The following TMEM230 variants were observed in gnomAD, a reference collection of about 807,000 sequenced individuals.
TMEM230 encodes the protein UPF0414 transmembrane protein C20orf30.
Under a neutral mutation model 15.8 loss-of-function variants are expected in TMEM230, and 10 were observed. The observed-to-expected ratio is 0.63, with a 90% CI of 0.39 to 1.07. The LOEUF is 1.07. Among genes scored for constraint, TMEM230 ranks in the 50% least tolerant of loss-of-function variants. The pLI is 0.01. For missense variants in TMEM230, 165 were observed against 193.3 expected (o/e 0.85, Z 0.87); for synonymous variants, 67 against 76.9 (o/e 0.87, Z 0.68).
At chr20:5,098,426 C>T (rs1307238119), downstream of TMEM230, 1 of 152,162 alleles carries the variant, frequency 6.6e-6, no homozygotes, top group Admixed American at 6.6e-5. Context: ...CCCGGATTAG[C>T]TTCCAAGATC....
At chr20:5,089,587 G>A (rs1259564022) in intron 3 of TMEM230, among the ~76,000 whole-genome samples, 1 of 152,036 alleles carries the variant, frequency 6.6e-6, no homozygotes, top group Non-Finnish European at 1.5e-5. Flanking sequence ...TGTAATCCCA[G>A]CTACTTGGGA....
At chr20:5,090,057 A>C (rs537074733) in intron 3 of TMEM230, among the ~76,000 whole-genome samples, 28 of 152,288 alleles carry the variant, frequency 1.8e-4, no homozygotes, top group African/African-American at 5.0e-4. Flanking sequence ...TTGAAAGAAA[A>C]AAACTGAGGA....
At position 5,110,143 on chromosome 20, in the gene TMEM230, G is replaced by A. The variant is rs575577133; in HGVS notation, c.175-698C>T. ...TTGATCTCAGCTCACTACAACCACCGCCTCCCAGGTTCAAACGATTCTCCT... is the reference window on the plus strand; with the variant it reads ...TTGATCTCAGCTCACTACAACCACCACCTCCCAGGTTCAAACGATTCTCCT... On this transcript the variant is annotated intron_variant, in intron 2 of 4. Transcript: ENST00000342308. Among the ~76,000 whole-genome samples, 131 of 152,126 alleles carry A rather than the reference G, an allele frequency of 8.6e-4. 1 individual carries two copies. The highest frequency in any genetic ancestry group is 3.0e-3 in the African/African-American group (125 of 41,518).
chr20:5,069,421 T>C, intron 3 of TMEM230: 1 of 1,439,674 alleles, frequency 6.9e-7, no homozygotes, highest in East Asian at 2.5e-5. Flanking sequence ...ATCCTAATTG[T>C]CAAGAAATCA....
At chr20:5,076,499 C>G (rs1470469515) in intron 3 of TMEM230, among the ~76,000 whole-genome samples, 1 of 151,414 alleles carries the variant, frequency 6.6e-6, no homozygotes, top group Non-Finnish European at 1.5e-5. Flanking sequence ...TGAGAGCGCG[C>G]CACTGCACTC....
intron 3 of TMEM230, among the ~76,000 whole-genome samples, chr20:5,089,068 T>C (rs6053099): frequency 0.54 from 82,760 of 152,074 alleles, 23,057 homozygotes; most frequent in East Asian, 0.84. Context: ...TCCTTGGACA[T>C]TAAAACCATG....
Position 5,100,065 on chromosome 20 carries a change from A to G in TMEM230, c.*726T>C. Reference sequence around the variant, plus strand: ...ATAAACTCTAAATAATAACCACTACATGTTTCATTAGGAAACAGCCAAAAG... The same window carrying G: ...ATAAACTCTAAATAATAACCACTACGTGTTTCATTAGGAAACAGCCAAAAG... On this transcript the variant is annotated 3_prime_UTR_variant, in exon 5 of 5. Coordinates refer to ENST00000342308, the MANE Select transcript of TMEM230 (RefSeq NM_001009923.2). 1.0e-6 allele frequency: 1 copy of G among 985,268 alleles called. No individual in the cohort carries two copies. Among genetic ancestry groups the G allele is most frequent in the Non-Finnish European group, 1.2e-6 (1 of 829,798 alleles). The allele number at this position is 985,268 out of a possible 1,614,324, so 61.0% of individuals were successfully genotyped here. A position where few individuals can be genotyped will look rare whatever the true frequency, so the allele number is the denominator to read the frequency against.
At chr20:5,066,533 G>C (rs1473688088), downstream of TMEM230, among the ~76,000 whole-genome samples, 1 of 152,006 alleles carries the variant, frequency 6.6e-6, no homozygotes, top group East Asian at 1.9e-4. Context: ...TTAGCTGGGT[G>C]TGGTGGCGTA....
rs969055680 is a variant in TMEM230 at position 5,099,998 on chromosome 20, G to T, written c.*793C>A. 3.0e-6 allele frequency: 3 copies of T among 985,134 alleles called. No homozygotes were observed. The highest frequency in any genetic ancestry group is 1.7e-5 in the African/African-American group (1 of 57,204). 61.0% of individuals were successfully genotyped at this position (985,134 alleles called of 1,614,324 possible). A position where few individuals can be genotyped will look rare whatever the true frequency, so the allele number is the denominator to read the frequency against. On this transcript the variant is annotated 3_prime_UTR_variant, in exon 5 of 5. Coordinates refer to ENST00000342308, the MANE Select transcript of TMEM230 (RefSeq NM_001009923.2). ...CATCCAGGCTGATCCTTGGAATCAT[G>T]AGCAGAATGATGACATACTACAAGG...
In TMEM230 at chr20:5,105,539, C is replaced by T. The variant is rs139913122; in HGVS notation, c.411+649G>A. Among the ~76,000 whole-genome samples the T allele has an allele frequency of 3.2e-3, 463 of 143,378 alleles. 2 individuals carry two copies. The highest frequency in any genetic ancestry group is 0.011 in the African/African-American group (436 of 38,550). The allele number at this position is 143,378 out of a possible 152,430, so 94.1% of individuals were successfully genotyped here. The stretch of plus-strand genomic sequence containing the variant: ...CTGGGAGGCGGAGGTTGCAGTTAGC[C>T]GATATTATGCCACTGCACTCCAGCC... On this transcript the variant is annotated intron_variant, in intron 4 of 4. Transcript: ENST00000342308.
chr20:5,108,566 C>G (rs2090185044), intron 3 of TMEM230, among the ~76,000 whole-genome samples: 1 of 152,158 alleles, frequency 6.6e-6, no homozygotes, highest in African/African-American at 2.4e-5. Flanking sequence ...AGGTTTGGCT[C>G]ATCGTTGTAT....
downstream of TMEM230, among the ~76,000 whole-genome samples, chr20:5,095,665 A>G (rs1184686407): frequency 1.3e-5 from 2 of 152,110 alleles, no homozygotes; most frequent in Admixed American, 1.3e-4. Flanking sequence ...ACTAGGAGGG[A>G]AACTGGGCCC....
At chr20:5,069,224 T>C in exon 4 of TMEM230, 11 of 1,535,880 alleles carry the variant, frequency 7.2e-6, no homozygotes, top group Non-Finnish European at 9.6e-6. Flanking sequence ...CTCTTCCTTC[T>C]GGAAGCCTTG....
intron 4 of TMEM230, among the ~76,000 whole-genome samples, chr20:5,104,951 C>T (rs2090011502): frequency 6.6e-6 from 1 of 152,166 alleles, no homozygotes; most frequent in Admixed American, 6.5e-5. Context: ...TATTTGATAG[C>T]ACAAAGTGAC....
Position 5,080,330 on chromosome 20 carries a change from T to G in TMEM230, c.223-10981A>C, listed in dbSNP as rs79582089. Among the ~76,000 whole-genome samples the G allele has an allele frequency of 9.5e-3, 1,450 of 152,336 alleles. 11 individuals carry two copies. The highest frequency in any genetic ancestry group is 0.02 in the Middle Eastern group (6 of 294). The stretch of plus-strand genomic sequence containing the variant: ...TTATGATTAGTTGCTCATCTTTGTT[T>G]CTTTCCTTTTTCTTTTTGTACCAGT... On this transcript the variant is annotated intron_variant, in intron 3 of 3. Transcript: ENST00000612323.
downstream of TMEM230, chr20:5,067,454 TA>T (rs1460376855): frequency 1.2e-5 from 1 of 86,244 alleles, no homozygotes; most frequent in African/African-American, 4.4e-5. Flanking sequence ...TATATATATA[TA>T]TATATTTTAA....
intron 4 of TMEM230, among the ~76,000 whole-genome samples, chr20:5,102,533 A>AG (rs397699785): frequency 6.6e-6 from 1 of 151,574 alleles, no homozygotes; most frequent in Non-Finnish European, 1.5e-5. Flanking sequence ...TTGACAAAAA[A>AG]TACAAAAATT....
chr20:5,091,414 T>C (rs144957096), intron 3 of TMEM230, among the ~76,000 whole-genome samples: 45 of 152,282 alleles, frequency 3.0e-4, no homozygotes, highest in East Asian at 2.1e-3. Flanking sequence ...TTTCACCACG[T>C]TGGTCAGACT....
rs1051813895 is a variant in TMEM230, at chr20:5,083,020, C to T, written c.223-13671G>A. 3.9e-4 allele frequency among the ~76,000 whole-genome samples: 59 copies of T among 151,354 alleles called. 1 individual carries two copies. The highest frequency in any genetic ancestry group is 1.3e-3 in the African/African-American group (53 of 41,236). On this transcript the variant is annotated intron_variant, in intron 3 of 3. Transcript: ENST00000612323. ...TCGGCTCATTGCAACCTCCACCTCC[C>T]GGGTTCAAGCGATTCTCCTGCCTCA...
Sources: gnomAD v4.1 joint callset for allele counts (sites outside exome capture counted in the v4.1 genomes callset) on GRCh38, gnomAD v4.1.1 for gene constraint, MANE v1.5 for transcripts, NCBI Gene and HGNC (gene_info 2026-07-23, HGNC 2026-07-21) for gene names.